Variants in CHST1 observed in about 807,000 individuals in gnomAD.
CHST1 encodes Keratan sulfotransferase.
In CHST1, 10 loss-of-function variants were observed where a neutral mutation model predicts 22.5. The ratio of observed to expected loss-of-function variants is 0.44; its 90% confidence interval spans 0.27 to 0.75. The LOEUF is 0.75. Among genes scored for constraint, CHST1 ranks in the 30% least tolerant of loss-of-function variants. The pLI, the probability that CHST1 is intolerant of heterozygous loss-of-function variation, is 0.15. For synonymous variants in CHST1, 267 were observed against 264.5 expected (o/e 1.01, Z -0.09); for missense variants, 439 against 576.1 (o/e 0.76, Z 2.44).
chr11:45,660,890 C>A (rs996907958), intron 1 of CHST1, among the ~76,000 whole-genome samples: 1 of 152,210 alleles, frequency 6.6e-6, no homozygotes, highest in Admixed American at 6.5e-5. Flanking sequence ...GAGAAGGAGA[C>A]AGCATTCCTG....
rs45476394 is a variant in CHST1 at position 45,664,774 on chromosome 11, G to T, written c.-227+404C>A. Among the ~76,000 whole-genome samples, 723 of 152,324 alleles carry T rather than the reference G, an allele frequency of 4.7e-3. 7 individuals carry two copies. Among genetic ancestry groups the T allele is most frequent in the African/African-American group, 0.017 (698 of 41,586 alleles). ...CCGCCTCCGGGTGCAGCTGGGTTTGGAAAGTTGGTGCGGGCGCGGGGACCT... is the reference window on the plus strand; with the variant it reads ...CCGCCTCCGGGTGCAGCTGGGTTTGTAAAGTTGGTGCGGGCGCGGGGACCT... On this transcript the variant is annotated intron_variant, in intron 1 of 3. Transcript: ENST00000308064.
rs1193453212 is a variant in CHST1, at chr11:45,648,001, C to T, written c.*1687G>A. On this transcript the variant is annotated 3_prime_UTR_variant, in exon 4 of 4. Transcript: ENST00000308064. Reference sequence around the variant, plus strand: ...CAACAAAGCTGTGACCTGCAGCCACCCCAGGGGCAGGTTTTCTTGGAATAA... The same window carrying T: ...CAACAAAGCTGTGACCTGCAGCCACTCCAGGGGCAGGTTTTCTTGGAATAA... Among the ~76,000 whole-genome samples, 2 of 152,148 alleles carry T rather than the reference C, an allele frequency of 1.3e-5. No individual in the cohort carries two copies. The highest frequency in any genetic ancestry group is 4.8e-5 in the African/African-American group (2 of 41,412).
At chr11:45,650,992 G>A in intron 3 of CHST1, 27 bp from the exon 4 acceptor site, 1 of 1,486,628 alleles carries the variant, frequency 6.7e-7, no homozygotes, top group Non-Finnish European at 9.0e-7. Flanking sequence ...CCAGCGGTCA[G>A]GTGCCTCCAC....
chr11:45,655,287 G>T (rs1050136642), intron 1 of CHST1, among the ~76,000 whole-genome samples: 1 of 152,222 alleles, frequency 6.6e-6, no homozygotes, highest in African/African-American at 2.4e-5. Flanking sequence ...TGTCTGGTTT[G>T]CTTTTTGTCT....
At chr11:45,655,240 C>G (rs1852047825) in intron 1 of CHST1, among the ~76,000 whole-genome samples, 1 of 152,192 alleles carries the variant, frequency 6.6e-6, no homozygotes, top group African/African-American at 2.4e-5. Context: ...GCAGCGTAAG[C>G]ACTCACTAAA....
At chr11:45,660,739 C>T (rs1852121342) in intron 1 of CHST1, among the ~76,000 whole-genome samples, 1 of 152,236 alleles carries the variant, frequency 6.6e-6, no homozygotes, top group Non-Finnish European at 1.5e-5. Context: ...CATCTCCTCC[C>T]CTAGCTCTAT....
intron 1 of CHST1, among the ~76,000 whole-genome samples, chr11:45,663,769 C>T (rs45478798): frequency 0.045 from 6,788 of 152,196 alleles, 520 homozygotes; most frequent in African/African-American, 0.16. Context: ...TGCCAGGCTC[C>T]TGGCCTCCTG....
intron 2 of CHST1, 123 bp from the exon 3 acceptor site, chr11:45,652,213 C>CAA (rs1308961604): frequency 2.0e-5 from 3 of 152,636 alleles, no homozygotes; most frequent in Non-Finnish European, 4.4e-5. Context: ...GCAATAAGGG[C>CAA]TCTGCCTGCT....
At chr11:45,659,202 A>G (rs1043718212) in intron 1 of CHST1, among the ~76,000 whole-genome samples, 5 of 152,212 alleles carry the variant, frequency 3.3e-5, no homozygotes, top group African/African-American at 9.6e-5. Context: ...AGCGAGGCTC[A>G]GCAAGTGTGG....
chr11:45,650,281 C>A lies in CHST1; in HGVS notation c.643G>T (p.Asp215Tyr), dbSNP rs1359494864. The A allele has an allele frequency of 1.2e-6, 2 of 1,605,922 alleles. No individual in the cohort carries two copies. The highest frequency in any genetic ancestry group is 1.7e-6 in the Non-Finnish European group (2 of 1,179,376). ...IKTVRVPEVN[D>Y]LRALVEDPRL... is the part of the protein sequence containing the mutation. ...GGGTCTTCCACCAGGGCGCGCAGGT[C>A]GTTCACCTCGGGCACGCGCACCGTC... The change falls in exon 4 of 4, where the codon GAC becomes TAC. Residue 215 changes from aspartate to tyrosine, a missense_variant. Asp to Tyr is a radical substitution (Grantham distance 160). Transcript: ENST00000308064.
In CHST1 at chr11:45,650,126, G is replaced by A; in HGVS notation, c.798C>T (p.Asn266=). The change falls in exon 4 of 4, where the codon AAC becomes AAT. Residue 266 remains asparagine, a synonymous_variant. Transcript: ENST00000308064. ...LWYGTGRKPY[N]LDVTQLTTVC... ...CCGTGGTCAGCTGCGTCACGTCCAGGTTGTAGGGTTTCCTCCCGGTGCCGT... is the reference window on the plus strand; with the variant it reads ...CCGTGGTCAGCTGCGTCACGTCCAGATTGTAGGGTTTCCTCCCGGTGCCGT... 5 of 1,613,984 alleles carry A rather than the reference G, an allele frequency of 3.1e-6. No homozygotes were observed. Among genetic ancestry groups the A allele is most frequent in the East Asian group, 4.5e-5 (2 of 44,864 alleles).
intron 1 of CHST1, among the ~76,000 whole-genome samples, chr11:45,658,741 G>T (rs1432776918): frequency 6.6e-6 from 1 of 152,086 alleles, no homozygotes; most frequent in African/African-American, 2.4e-5. Flanking sequence ...CTGGCTTGCG[G>T]TAGGCGGGAC....
In CHST1 at chr11:45,651,972, CAGGAGGGTTCAACCACTT is replaced by C. The variant is rs1346489478; in HGVS notation, c.-43+3_-43+20del. 1.3e-5 allele frequency: 2 copies of C among 152,404 alleles called. No homozygotes were observed. Among genetic ancestry groups the C allele is most frequent in the African/African-American group, 4.8e-5 (2 of 41,566 alleles). The allele number at this position is 152,404 out of a possible 1,614,324, so 9.4% of individuals were successfully genotyped here. On this transcript the variant is annotated splice_donor_5th_base_variant and intron_variant, in intron 3 of 3. Coordinates refer to ENST00000308064, the MANE Select transcript of CHST1 (RefSeq NM_003654.6). ...GCTGGGGCTGCTCCTGGGGAGAACA[CAGGAGGGTTCAACCACTT>C]ACCAAAGAGGGACTGCTCCAAGCTG...
In CHST1 at chr11:45,649,099, A is replaced by AGAGCAGC. The variant is rs1471252642; in HGVS notation, c.*588_*589insGCTGCTC. On this transcript the variant is annotated 3_prime_UTR_variant, in exon 4 of 4. Transcript: ENST00000308064. ...GACAGCATCACCACAGACTGGAAAC[A>AGAGCAGC]GAAACAGGTCCACGTTCACCTCACA... 2.6e-5 allele frequency: 4 copies of AGAGCAGC among 152,736 alleles called. No homozygotes were observed. The highest frequency in any genetic ancestry group is 9.7e-5 in the African/African-American group (4 of 41,424). 9.5% of individuals were successfully genotyped at this position (152,736 alleles called of 1,614,324 possible). A position where few individuals can be genotyped will look rare whatever the true frequency, so the allele number is the denominator to read the frequency against.
At position 45,648,192 on chromosome 11, in the gene CHST1, C is replaced by A. The variant is rs1186243149; in HGVS notation, c.*1496G>T. Among the ~76,000 whole-genome samples, 3 of 152,234 alleles carry A rather than the reference C, an allele frequency of 2.0e-5. No individual in the cohort carries two copies. The East Asian group carries it at 5.8e-4, about 29-fold the overall frequency. On this transcript the variant is annotated 3_prime_UTR_variant, in exon 4 of 4. Coordinates refer to ENST00000308064, the MANE Select transcript of CHST1 (RefSeq NM_003654.6). ...TCAGCAGCCACTGCCCTGAGGCACC[C>A]CACCCCTTGAAGTTTCCCCCTCCCT...
At chr11:45,651,255 G>A (rs1851995876) in intron 3 of CHST1, 2 of 220,756 alleles carry the variant, frequency 9.1e-6, no homozygotes, top group Admixed American at 1.1e-4. Flanking sequence ...GCCTCACGGG[G>A]CAAGAGCCTG....
intron 3 of CHST1, chr11:45,651,756 A>T (rs1289563167): frequency 6.6e-6 from 1 of 152,222 alleles, no homozygotes; most frequent in East Asian, 1.9e-4. Context: ...TGCAAAGAAG[A>T]TCTTAGGGAG....
intron 1 of CHST1, among the ~76,000 whole-genome samples, chr11:45,661,639 G>A (rs1020375670): frequency 3.0e-4 from 46 of 152,322 alleles, no homozygotes; most frequent in African/African-American, 1.1e-3. Flanking sequence ...CCAGAAATCT[G>A]TTTTCCCATC....
chr11:45,650,724 G>T lies in CHST1; in HGVS notation c.200C>A (p.Ala67Asp). The T allele has an allele frequency of 6.2e-7, 1 of 1,614,150 alleles. No individual in the cohort carries two copies. The highest frequency in any genetic ancestry group is 8.5e-7 in the Non-Finnish European group (1 of 1,179,996). Residue 67 changes from alanine to aspartate, a missense_variant, in exon 4 of 4, where the codon GCC (alanine) becomes GAC (aspartate). Coordinates refer to ENST00000308064, the MANE Select transcript of CHST1 (RefSeq NM_003654.6). ...GAAGGAGGAGCCACTGCGCGTGGTG[G>T]CCAGGATGAGGATGTGGGTCTTGCG... ...LSRKTHILIL[A>D]TTRSGSSFVG... is the part of the protein sequence containing the mutation.
Sources: allele counts gnomAD v4.1 joint callset (sites outside exome capture counted in the v4.1 genomes callset), GRCh38; gene constraint gnomAD v4.1.1; transcripts MANE v1.5; gene names NCBI Gene and HGNC (gene_info 2026-07-23, HGNC 2026-07-21).